The following KLRG1 variants were observed in gnomAD, a reference collection of about 807,000 sequenced individuals.
The protein encoded by KLRG1 is killer cell lectin-like receptor subfamily G member 1.
KLRG1 carries 16 observed loss-of-function variants against 21.8 expected under a neutral mutation model. That is an observed-to-expected ratio of 0.73 (90% CI 0.50 to 1.11). The LOEUF is 1.11. Among genes scored for constraint, KLRG1 ranks in the 50% most tolerant of loss-of-function variants. The pLI, the probability that KLRG1 is intolerant of heterozygous loss-of-function variation, is 0.00. For synonymous variants in KLRG1, 69 were observed against 75.9 expected, an observed-to-expected ratio of 0.91 and a Z score of 0.47; for missense variants, 173 against 218.3, an observed-to-expected ratio of 0.79 and a Z score of 1.31.
downstream of KLRG1, among the ~76,000 whole-genome samples, chr12:9,011,287 T>A (rs1348086247): frequency 6.6e-6 from 1 of 152,214 alleles, no homozygotes; most frequent in Non-Finnish European, 1.5e-5. Context: ...AACAGTTTAC[T>A]TCCTGGTTGC....
At chr12:9,154,881 A>G in the KLRG1 span, 36 of 1,541,870 alleles carry the variant, frequency 2.3e-5, no homozygotes, top group Non-Finnish European at 3.1e-5. Flanking sequence ...CTCATCAATA[A>G]GTAATTATAA....
chr12:9,124,641 A>C, the KLRG1 span, among the ~76,000 whole-genome samples: 1 of 152,182 alleles, frequency 6.6e-6, no homozygotes, highest in Non-Finnish European at 1.5e-5. Context: ...GCATCTCTGC[A>C]GCCTGCACCC....
At chr12:9,169,601 T>TG in the KLRG1 span, 2 of 1,584,298 alleles carry the variant, frequency 1.3e-6, no homozygotes, top group East Asian at 2.3e-5. Flanking sequence ...CCTGTAGCAG[T>TG]GGGGGGATCA....
the KLRG1 span, among the ~76,000 whole-genome samples, chr12:9,075,433 T>A: frequency 8.9e-4 from 136 of 152,250 alleles, 1 homozygote; most frequent in African/African-American, 3.0e-3. Context: ...GCATTTTTTT[T>A]AATAGCAAAA....
At chr12:9,114,493 CTA>C in the KLRG1 span, among the ~76,000 whole-genome samples, 1 of 152,082 alleles carries the variant, frequency 6.6e-6, no homozygotes, top group Non-Finnish European at 1.5e-5. Flanking sequence ...AAGATACCTA[CTA>C]TCACTATTTA....
the KLRG1 span, chr12:9,089,846 A>G: frequency 2.7e-6 from 3 of 1,116,038 alleles, no homozygotes; most frequent in South Asian, 5.5e-5. Flanking sequence ...ATATTATTAT[A>G]TTACCCACAT....
intron 1 of KLRG1, among the ~76,000 whole-genome samples, chr12:8,980,429 G>A (rs937126445): frequency 1.3e-5 from 2 of 152,046 alleles, no homozygotes; most frequent in Non-Finnish European, 2.9e-5. Flanking sequence ...AATCTATTGC[G>A]TTTTTTGGTG....
chr12:9,198,764 T>C, the KLRG1 span, among the ~76,000 whole-genome samples: 1 of 152,206 alleles, frequency 6.6e-6, no homozygotes, highest in African/African-American at 2.4e-5. Context: ...AATAAAAAGA[T>C]AGAATCAAAG....
At chr12:9,038,563 T>C in the KLRG1 span, among the ~76,000 whole-genome samples, 1 of 152,180 alleles carries the variant, frequency 6.6e-6, no homozygotes, top group Non-Finnish European at 1.5e-5. Flanking sequence ...CAGGGGACTA[T>C]TGCCTAGCAA....
the KLRG1 span, among the ~76,000 whole-genome samples, chr12:9,172,543 T>G: frequency 1.3e-5 from 2 of 152,118 alleles, no homozygotes; most frequent in African/African-American, 4.8e-5. Flanking sequence ...AATGGCAAGC[T>G]GAATAAAGAG....
At chr12:9,182,225 G>A in the KLRG1 span, 359 of 1,061,130 alleles carry the variant, frequency 3.4e-4, 6 homozygotes, top group East Asian at 9.3e-3. Flanking sequence ...TGAGAACTGC[G>A]TCCATTCATT....
At chr12:9,165,520 G>T in the KLRG1 span, among the ~76,000 whole-genome samples, 3 of 152,152 alleles carry the variant, frequency 2.0e-5, no homozygotes, top group Non-Finnish European at 4.4e-5. Context: ...TTATGTCCTG[G>T]GATCTGAGTT....
At chr12:9,202,678 T>C in the KLRG1 span, 1 of 1,613,146 alleles carries the variant, frequency 6.2e-7, no homozygotes, top group South Asian at 1.1e-5. Context: ...GCTGAGATCC[T>C]TGGGAGCTAA....
At chr12:9,180,311 T>C in the KLRG1 span, among the ~76,000 whole-genome samples, 3 of 152,192 alleles carry the variant, frequency 2.0e-5, no homozygotes, top group Admixed American at 6.5e-5. Flanking sequence ...TTAAAGTTCA[T>C]ATGGAACCAA....
chr12:9,058,560 C>A, the KLRG1 span: 9 of 151,938 alleles, frequency 5.9e-5, no homozygotes, highest in African/African-American at 2.2e-4. Context: ...TTCATATGCT[C>A]ATTTTAATAT....
rs765494449 is a variant in KLRG1, at chr12:8,995,112, C to A, written c.188-7C>A. 2 of 1,589,574 alleles carry A rather than the reference C, an allele frequency of 1.3e-6. No homozygotes were observed. The highest frequency in any genetic ancestry group is 1.2e-5 in the South Asian group (1 of 86,320). On this transcript the variant is annotated splice_region_variant and splice_polypyrimidine_tract_variant and intron_variant, in intron 2 of 4. Transcript: ENST00000356986. ...AAAGATGTGAACCAGGTCCTCTTCT[C>A]TCCTAGGCTCCAACTACTCCACTTG... is the stretch of plus-strand genomic sequence containing the variant.
At chr12:9,127,539 G>T in the KLRG1 span, among the ~76,000 whole-genome samples, 1 of 152,032 alleles carries the variant, frequency 6.6e-6, no homozygotes, top group Non-Finnish European at 1.5e-5. Flanking sequence ...TGCAGCTTTC[G>T]CCAGTCATTG....
the KLRG1 span, chr12:9,201,238 A>T: frequency 7.5e-7 from 1 of 1,331,228 alleles, no homozygotes; most frequent in South Asian, 1.3e-5. Context: ...GAAAATTTTT[A>T]AAGTAGTTCA....
At chr12:9,192,685 G>C in the KLRG1 span, 33 of 1,613,910 alleles carry the variant, frequency 2.0e-5, no homozygotes, top group Non-Finnish European at 2.7e-5. Flanking sequence ...GCACCCTGGT[G>C]GTCTTCTGCT....
Sources: gnomAD v4.1 joint callset for allele counts (sites outside exome capture counted in the v4.1 genomes callset) on GRCh38, gnomAD v4.1.1 for gene constraint, MANE v1.5 for transcripts, NCBI Gene and HGNC (gene_info 2026-07-23, HGNC 2026-07-21) for gene names.